Variants in MAST4 observed in about 807,000 individuals in gnomAD.
MAST4 encodes the protein microtubule-associated serine/threonine-protein kinase 4.
MAST4 carries 89 observed loss-of-function variants against 162.7 expected under a neutral mutation model. The ratio of observed to expected loss-of-function variants is 0.55; its 90% CI spans 0.46 to 0.65. The LOEUF (loss-of-function observed/expected upper bound fraction) is 0.65, where lower values mean the gene tolerates loss of function less well. Among genes scored for constraint, MAST4 ranks in the 30% least tolerant of loss-of-function variants. The pLI is 0.00. For missense variants in MAST4, 3,153 were observed against 3,374.0 expected, an observed-to-expected ratio of 0.93 and a Z score of 1.62; for synonymous variants, 1,479 against 1,361.1, an observed-to-expected ratio of 1.09 and a Z score of -1.91.
chr5:67,123,594 C>A (rs1156920827), intron 14 of MAST4, among the ~76,000 whole-genome samples: 1 of 152,130 alleles, frequency 6.6e-6, no homozygotes, highest in African/African-American at 2.4e-5. Flanking sequence ...GTGGAGCTCT[C>A]TTCTCTCTAT....
intron 4 of MAST4, among the ~76,000 whole-genome samples, chr5:67,030,367 G>A (rs1002164934): frequency 1.3e-5 from 2 of 152,132 alleles, no homozygotes; most frequent in African/African-American, 4.8e-5. Context: ...GGTTAGCACT[G>A]AATGAGAGCT....
At chr5:66,626,412 T>G (rs1229929480) in intron 1 of MAST4, among the ~76,000 whole-genome samples, 1 of 152,204 alleles carries the variant, frequency 6.6e-6, no homozygotes, top group Admixed American at 6.5e-5. Flanking sequence ...ATGGGTTCCA[T>G]GCACTACTGA....
intron 1 of MAST4, among the ~76,000 whole-genome samples, chr5:66,612,323 A>G (rs185090122): frequency 1.1e-3 from 165 of 152,230 alleles, no homozygotes; most frequent in African/African-American, 3.7e-3. Context: ...GAGCAAGGGT[A>G]TTATCTTTGC....
At chr5:67,078,765 AAT>A (rs368579105) in intron 5 of MAST4, among the ~76,000 whole-genome samples, 3,260 of 117,206 alleles carry the variant, frequency 0.028, 125 homozygotes, top group East Asian at 0.16. Context: ...TATTTATCTA[AAT>A]ATATATATTT....
chr5:66,713,480 G>A (rs929049079), intron 1 of MAST4, among the ~76,000 whole-genome samples: 2 of 152,170 alleles, frequency 1.3e-5, no homozygotes, highest in Non-Finnish European at 1.5e-5. Flanking sequence ...GGCTTATGTT[G>A]AGTATCAAGC....
At chr5:67,050,087 G>A (rs1757982342) in intron 4 of MAST4, among the ~76,000 whole-genome samples, 1 of 152,194 alleles carries the variant, frequency 6.6e-6, no homozygotes, top group African/African-American at 2.4e-5. Context: ...CCTGCCTCCA[G>A]CTTAGTAGCC....
At chr5:66,844,397 A>G (rs192296) in intron 3 of MAST4, among the ~76,000 whole-genome samples, 27,966 of 151,930 alleles carry the variant, frequency 0.18, 2,785 homozygotes, top group East Asian at 0.44. Context: ...TTTGGATTTT[A>G]TCTGTATGCT....
At position 67,144,517 on chromosome 5, in the gene MAST4, TC is replaced by T. The variant is rs544530929; in HGVS notation, c.2731-151del. Among the ~76,000 whole-genome samples, 89 of 152,218 alleles carry T rather than the reference TC, an allele frequency of 5.8e-4. 3 individuals carry two copies. In the South Asian group the frequency reaches 0.018, roughly 31 times the overall value. ...TCACCCTGACCCTTCCTCTCTGGAT[TC>T]TGGTTAACAACACTGGAAAGTACTT... On this transcript the variant is annotated intron_variant, in intron 21 of 28. Transcript: ENST00000403625.
At chr5:66,814,354 A>G (rs917767780) in intron 3 of MAST4, among the ~76,000 whole-genome samples, 1 of 152,072 alleles carries the variant, frequency 6.6e-6, no homozygotes, top group African/African-American at 2.4e-5. Context: ...TCGGGCAAGC[A>G]TTTTCCTGTT....
chr5:67,110,662 A>T (rs985648822), intron 11 of MAST4, among the ~76,000 whole-genome samples: 1 of 152,220 alleles, frequency 6.6e-6, no homozygotes, highest in Non-Finnish European at 1.5e-5. Context: ...CATTTGGGAA[A>T]ATACAGTAGA....
intron 3 of MAST4, among the ~76,000 whole-genome samples, chr5:66,880,408 T>C (rs1580747941): frequency 1.3e-5 from 2 of 152,338 alleles, no homozygotes; most frequent in Middle Eastern, 3.4e-3. Flanking sequence ...CTCTATACTT[T>C]ATAGACTGTG....
At chr5:66,638,915 T>G (rs1333532303) in intron 1 of MAST4, among the ~76,000 whole-genome samples, 4 of 152,142 alleles carry the variant, frequency 2.6e-5, no homozygotes, top group African/African-American at 9.7e-5. Context: ...CGAAGAACAC[T>G]TTTGGGGGAA....
intron 1 of MAST4, among the ~76,000 whole-genome samples, chr5:66,728,305 T>C (rs1225676966): frequency 1.3e-5 from 2 of 152,118 alleles, no homozygotes; most frequent in Admixed American, 6.6e-5. Flanking sequence ...GTATAGAAAT[T>C]TCCATGGAAA....
intron 4 of MAST4, among the ~76,000 whole-genome samples, chr5:66,974,541 C>T (rs1747884280): frequency 6.6e-6 from 1 of 152,202 alleles, no homozygotes; most frequent in Non-Finnish European, 1.5e-5. Context: ...TTACTAACAA[C>T]GCGTTACAAA....
chr5:67,068,823 C>G (rs905382485), intron 5 of MAST4, among the ~76,000 whole-genome samples: 1 of 151,834 alleles, frequency 6.6e-6, no homozygotes, highest in Non-Finnish European at 1.5e-5. Context: ...AAATAGTAGT[C>G]AAGAGATAAG....
chr5:67,088,859 A>G (rs547976652), intron 5 of MAST4, among the ~76,000 whole-genome samples: 17 of 152,370 alleles, frequency 1.1e-4, no homozygotes, highest in Non-Finnish European at 1.8e-4. Flanking sequence ...AGACATCACT[A>G]TAAAATTTGC....
chr5:66,908,055 G>T (rs149724433), intron 4 of MAST4, among the ~76,000 whole-genome samples: 1 of 152,158 alleles, frequency 6.6e-6, no homozygotes, highest in African/African-American at 2.4e-5. Context: ...ATCGAGTGTC[G>T]CATCTGAATT....
intron 1 of MAST4, among the ~76,000 whole-genome samples, chr5:66,732,193 A>T (rs1751896600): frequency 6.6e-6 from 1 of 152,002 alleles, no homozygotes; most frequent in Non-Finnish European, 1.5e-5. Context: ...ACTTTCAGTT[A>T]CTGCTGGTCA....
intron 4 of MAST4, among the ~76,000 whole-genome samples, chr5:66,950,611 CAG>C (rs2150128741): frequency 6.6e-6 from 1 of 152,272 alleles, no homozygotes; most frequent in South Asian, 2.1e-4. Flanking sequence ...TAATATGTGT[CAG>C]AATTTCTCTT....
Sources: allele counts gnomAD v4.1 joint callset (sites outside exome capture counted in the v4.1 genomes callset), GRCh38; gene constraint gnomAD v4.1.1; transcripts MANE v1.5; gene names NCBI Gene and HGNC (gene_info 2026-07-23, HGNC 2026-07-21).